SLC24A2: variants seen among roughly 807,000 people sequenced by gnomAD.
SLC24A2 encodes the protein solute carrier family 24 member 2.
Under a neutral mutation model 62.0 loss-of-function variants are expected in SLC24A2, and 36 were observed. The observed-to-expected ratio is 0.58, with a 90% CI of 0.44 to 0.77. SLC24A2 has a LOEUF of 0.77. SLC24A2 is among the 30% of genes least tolerant of loss of function. SLC24A2 has a pLI of 0.00. For synonymous variants in SLC24A2, 358 were observed against 294.0 expected, an observed-to-expected ratio of 1.22 and a Z score of -2.23; for missense variants, 846 against 817.9, an observed-to-expected ratio of 1.03 and a Z score of -0.42.
At chr9:19,789,707 G>C (rs1823283086), upstream of SLC24A2, among the ~76,000 whole-genome samples, 1 of 152,196 alleles carries the variant, frequency 6.6e-6, no homozygotes, top group African/African-American at 2.4e-5. Context: ...AGGCTTGTTG[G>C]GGATGAGAGA....
At chr9:20,006,177 A>C in the SLC24A2 span, among the ~76,000 whole-genome samples, 2 of 151,658 alleles carry the variant, frequency 1.3e-5, no homozygotes, top group South Asian at 4.1e-4. Flanking sequence ...TTTATATATT[A>C]ATATGTAATT....
the SLC24A2 span, among the ~76,000 whole-genome samples, chr9:20,183,324 A>G: frequency 6.6e-6 from 1 of 152,228 alleles, no homozygotes; most frequent in Admixed American, 6.5e-5. Context: ...GATCATAAAT[A>G]TAAGAAAGAA....
intron 2 of SLC24A2, among the ~76,000 whole-genome samples, chr9:19,747,736 T>C (rs1461763843): frequency 2.0e-5 from 3 of 152,196 alleles, no homozygotes; most frequent in Non-Finnish European, 4.4e-5. Context: ...TGTGTCACCA[T>C]AGACTGCTTG....
chr9:19,676,431 T>A (rs74403659), intron 2 of SLC24A2, among the ~76,000 whole-genome samples: 11,995 of 152,254 alleles, frequency 0.079, 629 homozygotes, highest in Middle Eastern at 0.17. Flanking sequence ...TGCCAGAATC[T>A]TAACAGATAG....
intron 5 of SLC24A2, among the ~76,000 whole-genome samples, chr9:19,593,983 AC>A (rs1226031119): frequency 6.6e-6 from 1 of 152,102 alleles, no homozygotes; most frequent in Non-Finnish European, 1.5e-5. Context: ...AGTGGGAGAC[AC>A]CCAGTGAACG....
intron 2 of SLC24A2, among the ~76,000 whole-genome samples, chr9:19,677,668 A>G (rs1819599353): frequency 1.3e-5 from 2 of 152,070 alleles, no homozygotes; most frequent in South Asian, 2.1e-4. Context: ...AATCAAATAA[A>G]CATTCTGCAT....
In SLC24A2 at chr9:19,525,420, A is replaced by T. The variant is rs199517022; in HGVS notation, c.1569+2629T>A. ...TTTTTTTTTTTTTTTTTTTTTTTTTAAAAGACAGGGTCTTACTCTGCCACC... is the reference window on the plus strand; with the variant it reads ...TTTTTTTTTTTTTTTTTTTTTTTTTTAAAGACAGGGTCTTACTCTGCCACC... On this transcript the variant is annotated intron_variant, in intron 9 of 10. Transcript: ENST00000341998. 5.0e-3 allele frequency among the ~76,000 whole-genome samples: 364 copies of T among 72,684 alleles called. 1 individual carries two copies. Among genetic ancestry groups the T allele is most frequent in the East Asian group, 0.013 (27 of 2,084 alleles). The allele number at this position is 72,684 out of a possible 152,430, so 47.7% of individuals were successfully genotyped here.
the SLC24A2 span, among the ~76,000 whole-genome samples, chr9:20,297,582 C>T: frequency 6.6e-6 from 1 of 152,230 alleles, no homozygotes; most frequent in East Asian, 1.9e-4. Flanking sequence ...AGTGACAAGT[C>T]TGGGACAGAC....
intron 7 of SLC24A2, among the ~76,000 whole-genome samples, chr9:19,563,831 TCCCTCCCTCCCTC>T (rs1563968859): frequency 0.021 from 1,448 of 67,684 alleles, 76 homozygotes; most frequent in Non-Finnish European, 0.027. Flanking sequence ...CCTTCCTCCC[TCCCTCCCTCCCTC>T]CCTCCCTCCC....
Position 19,626,587 on chromosome 9 carries a change from T to C in SLC24A2, c.931-4288A>G, listed in dbSNP as rs188618378. On this transcript the variant is annotated intron_variant, in intron 2 of 10. Transcript: ENST00000341998. ...GGACCTGGAAGCATTATAAAGTCTA[T>C]AGAAATAAACTTAAACATATTATTT... Among the ~76,000 whole-genome samples the C allele has an allele frequency of 2.6e-5, 4 of 152,314 alleles. No individual in the cohort carries two copies. In the East Asian group the frequency reaches 5.8e-4, roughly 22 times the overall value.
At position 19,667,553 on chromosome 9, in the gene SLC24A2, G is replaced by C. The variant is rs115828304; in HGVS notation, c.931-45254C>G. On this transcript the variant is annotated intron_variant, in intron 2 of 10. Coordinates refer to ENST00000341998, the MANE Select transcript of SLC24A2 (RefSeq NM_020344.4). ...TGAACTTCCATCATAGCCCCTTAGA[G>C]GTCTTCTAGCCTCTAGTCTTGGAGC... Among the ~76,000 whole-genome samples, 481 of 152,160 alleles carry C rather than the reference G, an allele frequency of 3.2e-3. 5 individuals are homozygous for C. Among genetic ancestry groups the C allele is most frequent in the African/African-American group, 0.011 (465 of 41,514 alleles).
chr9:19,744,571 T>A (rs1821777407), intron 2 of SLC24A2, among the ~76,000 whole-genome samples: 1 of 152,172 alleles, frequency 6.6e-6, no homozygotes, highest in Non-Finnish European at 1.5e-5. Flanking sequence ...GCTACTTGGC[T>A]CCAACTGATG....
Position 19,733,082 on chromosome 9 carries a change from CTT to C in SLC24A2, c.930+52853_930+52854del, listed in dbSNP as rs11317752. 6.3e-3 allele frequency among the ~76,000 whole-genome samples: 929 copies of C among 146,874 alleles called. 3 individuals are homozygous for C. Among genetic ancestry groups the C allele is most frequent in the African/African-American group, 0.018 (714 of 40,108 alleles). On this transcript the variant is annotated intron_variant, in intron 2 of 10. Transcript: ENST00000341998. ...ATTTTAGAAGTCTTAAGATGTGACT[CTT>C]TTTTTTTTTTTTAAACACGCTGGGC...
In SLC24A2 at chr9:19,787,575, A is replaced by G. The variant is rs77493099; in HGVS notation, c.-153-556T>C. ...ATTTAGTGATCTTTTTTCTGCACAC[A>G]TAATGATATCAGATCTTATTTTTCA... On this transcript the variant is annotated intron_variant, in intron 1 of 10. Transcript: ENST00000341998. Among the ~76,000 whole-genome samples, 59 of 152,328 alleles carry G rather than the reference A, an allele frequency of 3.9e-4. 1 individual carries two copies. In the East Asian group the frequency reaches 0.01, roughly 26 times the overall value.
chr9:20,090,959 A>G, the SLC24A2 span, among the ~76,000 whole-genome samples: 1,793 of 152,274 alleles, frequency 0.012, 28 homozygotes, highest in Middle Eastern at 0.027. Context: ...CAGAATCACA[A>G]TAAATGATAC....
chr9:19,687,926 C>G (rs540956247), intron 2 of SLC24A2, among the ~76,000 whole-genome samples: 2 of 152,172 alleles, frequency 1.3e-5, no homozygotes, highest in Admixed American at 1.3e-4. Context: ...CATCCCTTTG[C>G]CCCATGTGTG....
the SLC24A2 span, among the ~76,000 whole-genome samples, chr9:19,850,848 TTATC>T: frequency 6.7e-6 from 1 of 148,382 alleles, no homozygotes; most frequent in Non-Finnish European, 1.5e-5. Flanking sequence ...CACCTTATGT[TTATC>T]TAGTCACCAG....
intron 2 of SLC24A2, among the ~76,000 whole-genome samples, chr9:19,701,946 C>T (rs1188646218): frequency 6.6e-6 from 1 of 152,146 alleles, no homozygotes; most frequent in Non-Finnish European, 1.5e-5. Context: ...CAGTAGCCTA[C>T]CGTGGATGGA....
At chr9:19,728,100 C>G (rs575836684) in intron 2 of SLC24A2, among the ~76,000 whole-genome samples, 10 of 152,202 alleles carry the variant, frequency 6.6e-5, no homozygotes, top group African/African-American at 2.4e-4. Context: ...GAGGCCATGA[C>G]CTTTCTGATC....
Sources: gnomAD v4.1 joint callset for allele counts (sites outside exome capture counted in the v4.1 genomes callset) on GRCh38, gnomAD v4.1.1 for gene constraint, MANE v1.5 for transcripts, NCBI Gene and HGNC (gene_info 2026-07-23, HGNC 2026-07-21) for gene names.